Variants in DNAH6 observed in about 807,000 individuals in gnomAD.
The protein encoded by DNAH6 is dynein axonemal heavy chain 6.
DNAH6 carries 340 observed loss-of-function variants against 491.4 expected under a neutral mutation model. That is an observed-to-expected ratio of 0.69 (90% CI 0.63 to 0.76). DNAH6 has a LOEUF of 0.76. Ranked by LOEUF, DNAH6 falls within the 30% of genes least tolerant of loss-of-function variation. The probability of loss-of-function intolerance (pLI) is 0.00; values close to 1 mark genes in which losing one functional copy is unlikely to be tolerated. For synonymous variants in DNAH6, 1,603 were observed against 1,686.1 expected (o/e 0.95, Z 1.21); for missense variants, 4,443 against 4,972.2 (o/e 0.89, Z 3.20).
intron 16 of DNAH6, among the ~76,000 whole-genome samples, chr2:84,589,728 A>AAAG (rs1468067703): frequency 6.6e-6 from 1 of 151,724 alleles, no homozygotes; most frequent in Non-Finnish European, 1.5e-5. Flanking sequence ...AAAAAAAAAA[A>AAAG]AAAGAAAGGT....
At chr2:84,545,410 A>T (rs1263076639) in intron 5 of DNAH6, among the ~76,000 whole-genome samples, 6 of 152,206 alleles carry the variant, frequency 3.9e-5, no homozygotes, top group Non-Finnish European at 7.4e-5. Context: ...TACATCAGTC[A>T]TTTGAAGTTA....
chr2:84,658,596 G>A, intron 36 of DNAH6, 122 bp downstream of exon 36: 2 of 658,374 alleles, frequency 3.0e-6, no homozygotes, highest in Non-Finnish European at 4.8e-6. Context: ...TTTTTCAGGG[G>A]ACTAATAGCT....
intron 64 of DNAH6, among the ~76,000 whole-genome samples, chr2:84,766,640 G>C (rs954818732): frequency 1.3e-5 from 2 of 152,062 alleles, no homozygotes; most frequent in African/African-American, 4.8e-5. Flanking sequence ...AATATTTAAG[G>C]AAATATATGT....
chr2:84,579,696 A>T lies in DNAH6; in HGVS notation c.2229+17A>T. Reference sequence around the variant, plus strand: ...CAGGAACGGGTGAGTTGATTATCTCATATAACTCAATATTCCAGATCTTAT... The same window carrying T: ...CAGGAACGGGTGAGTTGATTATCTCTTATAACTCAATATTCCAGATCTTAT... On this transcript the variant is annotated intron_variant, in intron 14 of 76. Transcript: ENST00000389394. The T allele has an allele frequency of 6.6e-7, 1 of 1,525,658 alleles. No homozygotes were observed. The highest frequency in any genetic ancestry group is 8.8e-7 in the Non-Finnish European group (1 of 1,131,608). The allele number at this position is 1,525,658 out of a possible 1,614,324, so 94.5% of individuals were successfully genotyped here. A position where few individuals can be genotyped will look rare whatever the true frequency, so the allele number is the denominator to read the frequency against.
the DNAH6 span, among the ~76,000 whole-genome samples, chr2:84,496,023 C>T: frequency 1.3e-5 from 2 of 152,216 alleles, no homozygotes; most frequent in Non-Finnish European, 2.9e-5. Flanking sequence ...GCCTCTCCCA[C>T]TCCCACCTCC....
At chr2:84,557,196 C>T (rs565024388) in intron 10 of DNAH6, among the ~76,000 whole-genome samples, 13 of 152,292 alleles carry the variant, frequency 8.5e-5, no homozygotes, top group African/African-American at 3.1e-4. Context: ...TAGAACTCAT[C>T]ACCATGTGTT....
chr2:84,459,740 T>A, the DNAH6 span: 1 of 157,932 alleles, frequency 6.3e-6, no homozygotes, highest in Non-Finnish European at 1.4e-5. Flanking sequence ...GTTTTCCTCG[T>A]TTGCTATTAG....
intron 9 of DNAH6, among the ~76,000 whole-genome samples, chr2:84,552,048 C>CAA (rs34353031): frequency 5.7e-5 from 4 of 70,734 alleles, no homozygotes; most frequent in African/African-American, 1.4e-4. Context: ...AACTCCGTCT[C>CAA]AAAAAAAAAA....
rs1477712340 is a variant in DNAH6, at chr2:84,573,460, C to T, written c.1804-7C>T. On this transcript the variant is annotated splice_polypyrimidine_tract_variant and splice_region_variant and intron_variant, in intron 11 of 76. Coordinates refer to ENST00000389394, the MANE Select transcript of DNAH6 (RefSeq NM_001370.2). ...GTCATATTTGTCTGCTTATTTATAA[C>T]ATTTAGGAAACCATTCAGGCCGCAT... is the stretch of plus-strand genomic sequence containing the variant. The T allele has an allele frequency of 1.3e-6, 2 of 1,574,366 alleles. No homozygotes were observed. Among genetic ancestry groups the T allele is most frequent in the South Asian group, 1.2e-5 (1 of 83,132 alleles).
intron 61 of DNAH6, among the ~76,000 whole-genome samples, chr2:84,730,247 G>T (rs1206901081): frequency 6.6e-6 from 1 of 152,200 alleles, no homozygotes; most frequent in African/African-American, 2.4e-5. Flanking sequence ...GCAGAAGTAG[G>T]CATTTCCAGG....
intron 32 of DNAH6, among the ~76,000 whole-genome samples, chr2:84,641,316 A>C (rs1350333609): frequency 6.6e-6 from 1 of 151,724 alleles, no homozygotes; most frequent in East Asian, 1.9e-4. Context: ...GCACTTTCCT[A>C]CCCTCTGTTC....
rs1693296022 is a variant in DNAH6 at position 84,677,025 on chromosome 2, A to G, written c.6633A>G (p.Ala2211=). ...CACAGGATGTAACAATCATATCGGC[A>G]TGTGCACCTCCAGGCGGTGGCCGCA... ...KEIQDVTIIS[A]CAPPGGGRNP... The change falls in exon 41 of 77, where the codon GCA becomes GCG. Residue 2211 remains alanine (A), a synonymous_variant. Transcript: ENST00000389394. The G allele has an allele frequency of 3.2e-6, 5 of 1,551,810 alleles. No homozygotes were observed. In the East Asian group the frequency reaches 9.8e-5, roughly 30 times the overall value.
chr2:84,601,879 A>G (rs557413916), intron 18 of DNAH6, among the ~76,000 whole-genome samples: 23 of 151,906 alleles, frequency 1.5e-4, no homozygotes, highest in Middle Eastern at 3.4e-3. Context: ...TTTTTCAATA[A>G]TTTTTAGAAG....
Position 84,816,005 on chromosome 2 carries a change from A to C in DNAH6, c.12295A>C (p.Asn4099His). ...LPVVHFEPQQ[N>H]YKPSPTLYHC... ...TGTGGTGCATTTTGAACCACAACAA[A>C]ACTATAAGCCAAGCCCAACACTTTA... Residue 4099 changes from asparagine to histidine, a missense_variant, in exon 76 of 77, where the codon AAC (asparagine) becomes CAC (histidine). Physicochemically the swap from Asn to His is moderately conservative, Grantham distance 68. Coordinates refer to ENST00000389394, the MANE Select transcript of DNAH6 (RefSeq NM_001370.2). 6.4e-7 allele frequency: 1 copy of C among 1,551,834 alleles called. No individual in the cohort carries two copies. The highest frequency in any genetic ancestry group is 8.7e-7 in the Non-Finnish European group (1 of 1,147,030).
chr2:84,743,409 A>T (rs1672688846), intron 62 of DNAH6, among the ~76,000 whole-genome samples: 1 of 152,220 alleles, frequency 6.6e-6, no homozygotes, highest in South Asian at 2.1e-4. Flanking sequence ...AGCTTTAGAT[A>T]TTTACAAGTG....
chr2:84,640,118 C>A (rs1689251942), intron 31 of DNAH6, among the ~76,000 whole-genome samples: 1 of 152,156 alleles, frequency 6.6e-6, no homozygotes, highest in Non-Finnish European at 1.5e-5. Flanking sequence ...ATGACACCAT[C>A]CAACTTTCAC....
intron 31 of DNAH6, among the ~76,000 whole-genome samples, chr2:84,638,926 TTTTAAATGACCAGATC>T (rs1689123737): frequency 6.6e-6 from 1 of 152,152 alleles, no homozygotes; most frequent in East Asian, 1.9e-4. Flanking sequence ...TGCCTCACAC[TTTTAAATGACCAGATC>T]TCAGAACTCA....
intron 35 of DNAH6, among the ~76,000 whole-genome samples, chr2:84,656,196 A>G (rs1306197873): frequency 6.6e-6 from 1 of 152,160 alleles, no homozygotes; most frequent in Non-Finnish European, 1.5e-5. Flanking sequence ...TCATGTACCA[A>G]TTCACCTACT....
Position 84,681,499 on chromosome 2 carries a change from A to G in DNAH6, c.6887A>G (p.Asn2296Ser), listed in dbSNP as rs758064287. 4.5e-5 allele frequency: 69 copies of G among 1,549,368 alleles called. No homozygotes were observed. Among genetic ancestry groups the G allele is most frequent in the Non-Finnish European group, 5.2e-5 (60 of 1,146,150 alleles). ...CCCGCCAAGTCCCATTATGTCTTTA[A>G]CTTGAGGGACTTATCCAAATGTGTG... ...PTPAKSHYVF[N>S]LRDLSKCVQG... Residue 2296 changes from asparagine (N) to serine (S), a missense_variant, in exon 42 of 77, where the codon AAC becomes AGC. This residue lies in a region of DNAH6 where 2,977 missense variants were observed against 3,296.6 expected (regional missense o/e 0.90). Coordinates refer to ENST00000389394, the MANE Select transcript of DNAH6 (RefSeq NM_001370.2).
Sources: gnomAD v4.1 joint callset for allele counts (sites outside exome capture counted in the v4.1 genomes callset) on GRCh38, gnomAD v4.1.1 for gene constraint, gnomAD v4.1.1 regional missense constraint, MANE v1.5 for transcripts, NCBI Gene and HGNC (gene_info 2026-07-23, HGNC 2026-07-21) for gene names.